The following KIF16B variants were observed in gnomAD, a reference collection of about 807,000 sequenced individuals.
The protein encoded by KIF16B is kinesin family member 16B.
In KIF16B, 98 loss-of-function variants were observed where a neutral mutation model predicts 156.3. That is an observed-to-expected ratio of 0.63 (90% CI 0.53 to 0.74). KIF16B has a LOEUF of 0.74. KIF16B is among the 30% of genes least tolerant of loss of function. The pLI, the probability that KIF16B is intolerant of heterozygous loss-of-function variation, is 0.00. For synonymous variants in KIF16B, 564 were observed against 583.7 expected (o/e 0.97, Z 0.49); for missense variants, 1,421 against 1,606.5 (o/e 0.88, Z 1.97).
At chr20:16,408,887 T>C (rs754962138) in intron 15 of KIF16B, among the ~76,000 whole-genome samples, 4 of 152,100 alleles carry the variant, frequency 2.6e-5, no homozygotes, top group Non-Finnish European at 5.9e-5. Context: ...AATTTAAAAA[T>C]TTGCTTCATT....
intron 12 of KIF16B, among the ~76,000 whole-genome samples, chr20:16,469,659 A>G (rs958016071): frequency 1.3e-5 from 2 of 152,226 alleles, no homozygotes; most frequent in African/African-American, 2.4e-5. Context: ...GTCAAAATTC[A>G]AAACATGACA....
At chr20:16,390,496 C>T (rs551828943) in intron 17 of KIF16B, among the ~76,000 whole-genome samples, 3 of 152,222 alleles carry the variant, frequency 2.0e-5, no homozygotes, top group African/African-American at 7.2e-5. Context: ...CCCACCTCCC[C>T]TGCCCCTCCA....
intron 24 of KIF16B, among the ~76,000 whole-genome samples, chr20:16,329,827 C>T (rs2063917826): frequency 6.6e-6 from 1 of 152,072 alleles, no homozygotes; most frequent in Non-Finnish European, 1.5e-5. Flanking sequence ...AATAAAAATA[C>T]AACAACAATT....
chr20:16,406,146 G>A (rs1332287422), intron 16 of KIF16B, among the ~76,000 whole-genome samples: 2 of 152,122 alleles, frequency 1.3e-5, no homozygotes, highest in South Asian at 2.1e-4. Context: ...AAGGATCTAG[G>A]AGGAGCAGTT....
chr20:16,326,798 T>G (rs2063858468), intron 24 of KIF16B, among the ~76,000 whole-genome samples: 1 of 151,898 alleles, frequency 6.6e-6, no homozygotes, highest in South Asian at 2.1e-4. Context: ...AGATCTGCCA[T>G]TTGATCCAGC....
At chr20:16,414,185 T>A (rs1212569990) in intron 15 of KIF16B, among the ~76,000 whole-genome samples, 1 of 152,074 alleles carries the variant, frequency 6.6e-6, no homozygotes, top group Non-Finnish European at 1.5e-5. Context: ...ATATCAAAAA[T>A]GGCTTTAGGA....
intron 19 of KIF16B, among the ~76,000 whole-genome samples, chr20:16,377,786 G>T (rs551186702): frequency 6.6e-6 from 1 of 152,188 alleles, no homozygotes; most frequent in Non-Finnish European, 1.5e-5. Flanking sequence ...AAGTCTTCAA[G>T]GCTCCAGAAA....
intron 12 of KIF16B, among the ~76,000 whole-genome samples, chr20:16,491,094 G>A (rs1399961931): frequency 6.6e-6 from 1 of 152,110 alleles, no homozygotes; most frequent in Non-Finnish European, 1.5e-5. Flanking sequence ...GGAAGTAGGG[G>A]AGAAGAGGAG....
At chr20:16,399,603 C>T (rs950643789) in intron 17 of KIF16B, among the ~76,000 whole-genome samples, 3 of 152,196 alleles carry the variant, frequency 2.0e-5, no homozygotes, top group Admixed American at 6.5e-5. Context: ...TGACAGGCCA[C>T]ACAAACCCGA....
chr20:16,411,981 C>T (rs1269844706), intron 15 of KIF16B, among the ~76,000 whole-genome samples: 1 of 137,206 alleles, frequency 7.3e-6, no homozygotes, highest in African/African-American at 2.8e-5. Context: ...TGACTCATTG[C>T]TAATAAATGA....
intron 24 of KIF16B, among the ~76,000 whole-genome samples, chr20:16,326,323 C>T (rs2063848081): frequency 6.6e-6 from 1 of 151,514 alleles, no homozygotes; most frequent in African/African-American, 2.4e-5. Context: ...AACTAAAAAG[C>T]TTCTGCACAG....
rs547349061 is a variant in KIF16B at position 16,438,338 on chromosome 20, G to A, written c.1303-8356C>T. ...TCCAAAAATAGGTGACTACAGTGCA[G>A]TAAGCTATTTTGAGAGAGACTATTA... is the stretch of plus-strand genomic sequence containing the variant. On this transcript the variant is annotated intron_variant, in intron 12 of 25. Coordinates refer to ENST00000354981, the MANE Select transcript of KIF16B (RefSeq NM_024704.5). Among the ~76,000 whole-genome samples the A allele has an allele frequency of 2.0e-5, 3 of 152,226 alleles. No individual in the cohort carries two copies. In the South Asian group the frequency reaches 6.2e-4, roughly 32 times the overall value.
At chr20:16,569,709 A>G (rs1191784500) in intron 1 of KIF16B, among the ~76,000 whole-genome samples, 1 of 152,132 alleles carries the variant, frequency 6.6e-6, no homozygotes, top group Non-Finnish European at 1.5e-5. Context: ...AACATTAACA[A>G]CTTCCTTCAA....
intron 12 of KIF16B, among the ~76,000 whole-genome samples, chr20:16,462,097 TG>T (rs1356551796): frequency 1.3e-5 from 2 of 152,164 alleles, no homozygotes; most frequent in East Asian, 3.9e-4. Context: ...AAAAATTAGC[TG>T]GGCATGGTGG....
intron 12 of KIF16B, among the ~76,000 whole-genome samples, chr20:16,446,954 C>T (rs1289166356): frequency 1.3e-5 from 2 of 152,154 alleles, no homozygotes; most frequent in African/African-American, 4.8e-5. Context: ...AACTCTACTC[C>T]CACATTTTCA....
chr20:16,325,570 A>C lies in KIF16B; in HGVS notation c.3711+10356T>G, dbSNP rs1331047363. ...TTTTACAATAGCTGAAAAAAAAAAA[A>C]AACTTAGAAATGTGAATAGGAAGTG... is the stretch of plus-strand genomic sequence containing the variant. On this transcript the variant is annotated intron_variant, in intron 24 of 25. Transcript: ENST00000354981. Among the ~76,000 whole-genome samples, 3 of 146,788 alleles carry C rather than the reference A, an allele frequency of 2.0e-5. No homozygotes were observed. The Admixed American group carries it at 2.0e-4, about 10-fold the overall frequency.
intron 1 of KIF16B, among the ~76,000 whole-genome samples, chr20:16,529,276 G>C (rs188024123): frequency 0.011 from 1,730 of 152,242 alleles, 20 homozygotes; most frequent in Non-Finnish European, 0.016. Context: ...TTGATCTGGA[G>C]GTCATCTTTA....
intron 1 of KIF16B, among the ~76,000 whole-genome samples, chr20:16,561,333 T>C (rs2071054117): frequency 6.6e-6 from 1 of 152,158 alleles, no homozygotes; most frequent in South Asian, 2.1e-4. Context: ...CAGCATGCAT[T>C]GAGCAGATGA....
At chr20:16,362,738 C>G (rs543413881) in intron 22 of KIF16B, among the ~76,000 whole-genome samples, 1 of 152,130 alleles carries the variant, frequency 6.6e-6, no homozygotes, top group African/African-American at 2.4e-5. Context: ...TGGAGTTCCA[C>G]GTGAATTCCT....
Sources: allele counts gnomAD v4.1 joint callset (sites outside exome capture counted in the v4.1 genomes callset), GRCh38; gene constraint gnomAD v4.1.1; transcripts MANE v1.5; gene names NCBI Gene and HGNC (gene_info 2026-07-23, HGNC 2026-07-21).